The following LPP variants were observed in gnomAD, a reference collection of about 807,000 sequenced individuals.
The protein encoded by LPP is lipoma-preferred partner.
A neutral mutation model predicts 60.4 loss-of-function variants in LPP; 38 were observed. The observed-to-expected ratio is 0.63, with a 90% CI of 0.49 to 0.83. The LOEUF (loss-of-function observed/expected upper bound fraction) is 0.83. LPP is among the 40% of genes least tolerant of loss of function. The probability of loss-of-function intolerance (pLI) is 0.00; values close to 1 mark genes in which losing one functional copy is unlikely to be tolerated. For synonymous variants in LPP, 328 were observed against 290.8 expected, an observed-to-expected ratio of 1.13 and a Z score of -1.30; for missense variants, 902 against 783.6, an observed-to-expected ratio of 1.15 and a Z score of -1.80.
Position 188,872,613 on chromosome 3 carries a change from A to G in LPP, c.1590-30A>G, listed in dbSNP as rs532694242. On this transcript the variant is annotated intron_variant, in intron 10 of 11. Transcript: ENST00000617246. ...TCCCACCTCAGTGTCGACGCGCAGT[A>G]TCTAACCAGAACTCTCTCTTCACTT... 596 of 1,613,892 alleles carry G rather than the reference A, an allele frequency of 3.7e-4. 9 individuals carry two copies. The South Asian group carries it at 6.2e-3, about 17-fold the overall frequency.
intron 6 of LPP, among the ~76,000 whole-genome samples, chr3:188,582,201 C>T (rs888186577): frequency 2.1e-5 from 3 of 145,022 alleles, no homozygotes; most frequent in Non-Finnish European, 3.0e-5. Context: ...CATTCTGTCA[C>T]CCAGGCTGGA....
chr3:188,428,912 C>T lies in LPP; in HGVS notation c.193+22599C>T, dbSNP rs534409065. Among the ~76,000 whole-genome samples the T allele has an allele frequency of 6.1e-4, 93 of 152,094 alleles. 1 individual carries two copies. Among genetic ancestry groups the T allele is most frequent in the African/African-American group, 2.1e-3 (89 of 41,504 alleles). ...GCCCTTCAAAAAAACAAAAACAAAA[C>T]AAGAACAACCTGATCACGTCTTTAT... is the stretch of plus-strand genomic sequence containing the variant. On this transcript the variant is annotated intron_variant, in intron 4 of 11. Transcript: ENST00000617246.
At chr3:188,667,050 A>G (rs1257734277) in intron 7 of LPP, among the ~76,000 whole-genome samples, 1 of 152,234 alleles carries the variant, frequency 6.6e-6, no homozygotes, top group African/African-American at 2.4e-5. Context: ...TCATTTGTGA[A>G]CAAAAACTTT....
rs1408035460 is a variant in LPP at position 188,877,678 on chromosome 3, T to C, written c.*3199T>C. 5.3e-6 allele frequency: 1 copy of C among 188,212 alleles called. No individual in the cohort carries two copies. Among genetic ancestry groups the C allele is most frequent in the Non-Finnish European group, 1.1e-5 (1 of 89,396 alleles). The allele number at this position is 188,212 out of a possible 1,614,324, so 11.7% of individuals were successfully genotyped here. ...CTGGGCAACATAGTGAGACCTTGTC[T>C]CTACAAAAAATAAAATAAAATAAAA... On this transcript the variant is annotated 3_prime_UTR_variant, in exon 12 of 12. Transcript: ENST00000617246.
intron 2 of LPP, among the ~76,000 whole-genome samples, chr3:188,268,166 A>T (rs1736300511): frequency 6.6e-6 from 1 of 151,994 alleles, no homozygotes; most frequent in African/African-American, 2.4e-5. Context: ...GACCTTTGTG[A>T]CCACGCTTTA....
intron 2 of LPP, among the ~76,000 whole-genome samples, chr3:188,288,827 C>A (rs1744980453): frequency 1.4e-5 from 1 of 69,912 alleles, no homozygotes; most frequent in Non-Finnish European, 2.9e-5. Flanking sequence ...CACCCCCCAC[C>A]CCCACCCCCC....
intron 2 of LPP, among the ~76,000 whole-genome samples, chr3:188,231,180 C>G (rs2149363461): frequency 6.6e-6 from 1 of 152,278 alleles, no homozygotes; most frequent in South Asian, 2.1e-4. Context: ...AAGCGAGTCA[C>G]TAGGTCCAGG....
intron 1 of LPP, among the ~76,000 whole-genome samples, chr3:188,165,661 G>T (rs968517531): frequency 6.6e-6 from 1 of 152,200 alleles, no homozygotes; most frequent in African/African-American, 2.4e-5. Context: ...GTGCTAGACG[G>T]ATTGAAGGCA....
intron 3 of LPP, among the ~76,000 whole-genome samples, chr3:188,376,034 C>T (rs1358670137): frequency 3.3e-5 from 5 of 152,156 alleles, no homozygotes; most frequent in Non-Finnish European, 7.3e-5. Flanking sequence ...TTTCTTAATC[C>T]TGAATTCTAG....
At chr3:188,652,787 G>C (rs1285366492) in intron 7 of LPP, among the ~76,000 whole-genome samples, 1 of 152,084 alleles carries the variant, frequency 6.6e-6, no homozygotes, top group Non-Finnish European at 1.5e-5. Context: ...GGTATCCCAA[G>C]TCCCACCATT....
At chr3:188,787,151 CTG>C (rs987568095) in intron 9 of LPP, among the ~76,000 whole-genome samples, 2 of 152,098 alleles carry the variant, frequency 1.3e-5, no homozygotes, top group African/African-American at 4.8e-5. Context: ...GATTGATAGA[CTG>C]TATCAATCTC....
rs1413489052 is a variant in LPP at position 188,182,221 on chromosome 3, C to T, written c.-190+27969C>T. Among the ~76,000 whole-genome samples the T allele has an allele frequency of 1.3e-5, 2 of 152,224 alleles. No individual in the cohort carries two copies. Among genetic ancestry groups the T allele is most frequent in the African/African-American group, 4.8e-5 (2 of 41,452 alleles). ...CACAATGCCTACATTTAGATTGCAA[C>T]TCCAGGCTTGCTCCTTGGGCCAGCA... On this transcript the variant is annotated intron_variant, in intron 1 of 11. Coordinates refer to ENST00000617246, the MANE Select transcript of LPP (RefSeq NM_001375462.1). The surrounding 1 kb of genome is among the most constrained non-coding windows in gnomAD (Gnocchi z 4.4).
intron 8 of LPP, among the ~76,000 whole-genome samples, chr3:188,738,748 G>A (rs1421101080): frequency 6.6e-6 from 1 of 152,034 alleles, no homozygotes; most frequent in Admixed American, 6.6e-5. Context: ...GATTTTTGTT[G>A]TGAAAGTTGC....
chr3:188,708,159 A>G lies in LPP; in HGVS notation c.1114-108A>G, dbSNP rs951441319. ...CTAAAACCCAGGTCTCCTGACAGCC[A>G]CGTCCAGTGCTTTTTCCTCTCCAGT... On this transcript the variant is annotated intron_variant, in intron 7 of 11. Coordinates refer to ENST00000617246, the MANE Select transcript of LPP (RefSeq NM_001375462.1). 48 of 1,261,732 alleles carry G rather than the reference A, an allele frequency of 3.8e-5. No homozygotes were observed. The African/African-American group carries it at 6.6e-4, about 17-fold the overall frequency. 78.2% of individuals were successfully genotyped at this position (1,261,732 alleles called of 1,614,324 possible). A position where few individuals can be genotyped will look rare whatever the true frequency, so the allele number is the denominator to read the frequency against.
At chr3:188,612,231 A>G (rs369003464) in intron 7 of LPP, among the ~76,000 whole-genome samples, 19 of 152,178 alleles carry the variant, frequency 1.2e-4, no homozygotes, top group African/African-American at 3.9e-4. Flanking sequence ...ATATTTAGCC[A>G]TCTGTCCTGT....
At chr3:188,488,786 A>G (rs1334958617) in intron 5 of LPP, among the ~76,000 whole-genome samples, 1 of 151,858 alleles carries the variant, frequency 6.6e-6, no homozygotes, top group Admixed American at 6.6e-5. Context: ...ACAGGCACCC[A>G]CCACCACGCC....
At chr3:188,566,173 A>G (rs562488217) in intron 6 of LPP, among the ~76,000 whole-genome samples, 12 of 152,070 alleles carry the variant, frequency 7.9e-5, no homozygotes, top group South Asian at 2.1e-4. Context: ...TTTCTTTTCA[A>G]TCTTCCCTTG....
At chr3:188,649,943 T>G (rs1851773852) in intron 7 of LPP, among the ~76,000 whole-genome samples, 1 of 152,182 alleles carries the variant, frequency 6.6e-6, no homozygotes, top group African/African-American at 2.4e-5. Context: ...GCTTCCACCT[T>G]GTCTTGTTTC....
intron 5 of LPP, among the ~76,000 whole-genome samples, chr3:188,511,120 T>C (rs1382060564): frequency 1.0e-5 from 1 of 100,352 alleles, no homozygotes; most frequent in Non-Finnish European, 2.0e-5. Flanking sequence ...CCTCCTTCCT[T>C]CCTACCTGCT....
Sources: gnomAD v4.1 joint callset for allele counts (sites outside exome capture counted in the v4.1 genomes callset) on GRCh38, gnomAD v4.1.1 for gene constraint, Gnocchi (gnomAD v3.1) non-coding constraint, MANE v1.5 for transcripts, NCBI Gene and HGNC (gene_info 2026-07-23, HGNC 2026-07-21) for gene names.